Variants in CA10 observed in about 807,000 individuals in gnomAD.
The protein encoded by CA10 is carbonic anhydrase-related protein 10.
CA10 carries 14 observed loss-of-function variants against 44.2 expected under a neutral mutation model. The observed-to-expected ratio is 0.32, with a 90% confidence interval of 0.21 to 0.50. The LOEUF (loss-of-function observed/expected upper bound fraction) is 0.50, where lower values mean the gene tolerates loss of function less well. Ranked by LOEUF, CA10 falls within the 20% of genes least tolerant of loss-of-function variation. CA10 has a pLI of 0.99. For synonymous variants in CA10, 159 were observed against 141.6 expected, an observed-to-expected ratio of 1.12 and a Z score of -0.87; for missense variants, 350 against 409.7, an observed-to-expected ratio of 0.85 and a Z score of 1.26.
chr17:52,084,532 T>G (rs1002595158), intron 1 of CA10, among the ~76,000 whole-genome samples: 2 of 152,028 alleles, frequency 1.3e-5, no homozygotes, highest in African/African-American at 2.4e-5. Flanking sequence ...GTCTGGAGAG[T>G]TGTATCTGAG....
chr17:52,023,185 C>G (rs1986195878), intron 2 of CA10, among the ~76,000 whole-genome samples: 1 of 151,994 alleles, frequency 6.6e-6, no homozygotes, highest in Non-Finnish European at 1.5e-5. Context: ...CAGACTTCAT[C>G]ACATTACCCA....
rs1906352530 is a variant in CA10 at position 51,787,845 on chromosome 17, TTTTC to T, written c.280-40031_280-40028del. On this transcript the variant is annotated intron_variant, in intron 3 of 8. Coordinates refer to ENST00000451037, the MANE Select transcript of CA10 (RefSeq NM_020178.5). ...TTTTTCATTTCTGATTTTATTCGGA[TTTTC>T]TTTTTTTCTTAGTCTGCCTAGAAGT... Among the ~76,000 whole-genome samples the T allele has an allele frequency of 2.0e-5, 3 of 152,320 alleles. No individual in the cohort carries two copies. In the South Asian group the frequency reaches 6.2e-4, roughly 32 times the overall value.
At chr17:51,867,645 T>G (rs76299606) in intron 3 of CA10, among the ~76,000 whole-genome samples, 2,752 of 152,302 alleles carry the variant, frequency 0.018, 45 homozygotes, top group South Asian at 0.064. Context: ...CTATCTATAT[T>G]GTTTTCATAG....
intron 2 of CA10, among the ~76,000 whole-genome samples, chr17:51,936,411 G>T (rs779613615): frequency 2.6e-5 from 4 of 152,138 alleles, no homozygotes; most frequent in Non-Finnish European, 4.4e-5. Context: ...GCATGGTCAA[G>T]GGTGGTCTCT....
rs528936342 is a variant in CA10, at chr17:52,066,738, A to G, written c.136+5581T>C. Among the ~76,000 whole-genome samples, 12 of 152,328 alleles carry G rather than the reference A, an allele frequency of 7.9e-5. No individual in the cohort carries two copies. The South Asian group carries it at 2.5e-3, about 32-fold the overall frequency. On this transcript the variant is annotated intron_variant, in intron 2 of 8. Transcript: ENST00000451037. The stretch of plus-strand genomic sequence containing the variant: ...GATTAACACAGATGAAGATAAAAAA[A>G]CTTGTTGGAAACGGGTATAAAGGTG...
At chr17:52,150,509 G>A (rs895642526) in intron 1 of CA10, among the ~76,000 whole-genome samples, 5 of 152,128 alleles carry the variant, frequency 3.3e-5, no homozygotes, top group African/African-American at 1.2e-4. Context: ...GAATGATTAA[G>A]TGGACAATGA....
intron 3 of CA10, among the ~76,000 whole-genome samples, chr17:51,928,941 G>C (rs1056290374): frequency 6.6e-6 from 1 of 152,112 alleles, no homozygotes; most frequent in Admixed American, 6.6e-5. Flanking sequence ...GGAACCATCA[G>C]ACAGTTCTCA....
intron 3 of CA10, among the ~76,000 whole-genome samples, chr17:51,865,387 A>G (rs1979496631): frequency 2.0e-5 from 3 of 152,218 alleles, no homozygotes; most frequent in South Asian, 4.1e-4. Context: ...AATGTGCTGA[A>G]TTAATGAACG....
intron 2 of CA10, among the ~76,000 whole-genome samples, chr17:52,004,657 C>A (rs1985538563): frequency 6.6e-6 from 1 of 151,858 alleles, no homozygotes; most frequent in Non-Finnish European, 1.5e-5. Context: ...ATGACATTAT[C>A]TTACCTTATT....
intron 4 of CA10, among the ~76,000 whole-genome samples, chr17:51,734,178 T>G (rs1408750666): frequency 7.7e-6 from 1 of 130,130 alleles, no homozygotes; most frequent in African/African-American, 2.8e-5. Context: ...AATCTTTGGT[T>G]GGGGGGGGGG....
chr17:52,009,727 T>A (rs2144132898), intron 2 of CA10, among the ~76,000 whole-genome samples: 1 of 151,960 alleles, frequency 6.6e-6, no homozygotes, highest in Admixed American at 6.6e-5. Context: ...ATGAGCAAAT[T>A]CAACAAAAAC....
At chr17:51,699,267 G>A (rs867332031) in intron 4 of CA10, among the ~76,000 whole-genome samples, 1 of 151,130 alleles carries the variant, frequency 6.6e-6, no homozygotes, top group East Asian at 1.9e-4. Flanking sequence ...ACCTTGCAGT[G>A]AGCCGAGATC....
intron 1 of CA10, among the ~76,000 whole-genome samples, chr17:52,124,545 T>C (rs1289589457): frequency 6.6e-6 from 1 of 152,218 alleles, no homozygotes; most frequent in Non-Finnish European, 1.5e-5. Context: ...TTCCTGTGCC[T>C]ATGGAATAAA....
chr17:51,838,355 T>C (rs1489892700), intron 3 of CA10, among the ~76,000 whole-genome samples: 1 of 152,232 alleles, frequency 6.6e-6, no homozygotes, highest in Non-Finnish European at 1.5e-5. Flanking sequence ...CATATTTCTA[T>C]TGTAGAAAAG....
chr17:52,121,923 G>A (rs768940016), intron 1 of CA10, among the ~76,000 whole-genome samples: 48 of 152,134 alleles, frequency 3.2e-4, no homozygotes, highest in Non-Finnish European at 6.0e-4. Context: ...CCAACCTCTG[G>A]TGCATCTCTC....
At chr17:51,969,700 G>A (rs771223953) in intron 2 of CA10, among the ~76,000 whole-genome samples, 4 of 151,842 alleles carry the variant, frequency 2.6e-5, no homozygotes, top group Non-Finnish European at 2.9e-5. Flanking sequence ...CCCTGTGTGC[G>A]AGGGATTGTG....
chr17:52,065,204 C>A (rs1987500490), intron 2 of CA10, among the ~76,000 whole-genome samples: 1 of 152,210 alleles, frequency 6.6e-6, no homozygotes, highest in African/African-American at 2.4e-5. Context: ...AGCTTAGCTT[C>A]TCCTAGATTA....
chr17:51,741,188 G>A (rs1485045899), intron 4 of CA10, among the ~76,000 whole-genome samples: 1 of 152,182 alleles, frequency 6.6e-6, no homozygotes, highest in African/African-American at 2.4e-5. Flanking sequence ...GCATGACTGG[G>A]TGAGCTCTAG....
chr17:52,158,566 G>C lies in CA10; in HGVS notation c.-780C>G, dbSNP rs924080246. The C allele has an allele frequency of 6.5e-6, 1 of 153,326 alleles. No homozygotes were observed. Among genetic ancestry groups the C allele is most frequent in the African/African-American group, 2.4e-5 (1 of 41,450 alleles). The allele number at this position is 153,326 out of a possible 1,614,324, so 9.5% of individuals were successfully genotyped here. A position where few individuals can be genotyped will look rare whatever the true frequency, so the allele number is the denominator to read the frequency against. On this transcript the variant is annotated 5_prime_UTR_variant, in exon 1 of 9. Transcript: ENST00000451037. ...CGCCGAGGGGAAGGGCTGGGCCCCG[G>C]GGACTGGGGCGCGGTGGGGGCACAC...
Sources: gnomAD v4.1 joint callset for allele counts (sites outside exome capture counted in the v4.1 genomes callset) on GRCh38, gnomAD v4.1.1 for gene constraint, MANE v1.5 for transcripts, NCBI Gene and HGNC (gene_info 2026-07-23, HGNC 2026-07-21) for gene names.